ANGEL1: variants seen among roughly 807,000 people sequenced by gnomAD.
The protein encoded by ANGEL1 is RNA 2',3'-cyclic phosphatase ANGEL1.
Under a neutral mutation model 76.4 loss-of-function variants are expected in ANGEL1, and 62 were observed. The observed-to-expected ratio is 0.81, with a 90% CI of 0.66 to 1.00. The LOEUF is 1.00. ANGEL1 is among the 50% of genes least tolerant of loss of function. ANGEL1 has a pLI of 0.00. For missense variants in ANGEL1, 737 were observed against 836.7 expected, an observed-to-expected ratio of 0.88 and a Z score of 1.47; for synonymous variants, 340 against 331.7, an observed-to-expected ratio of 1.03 and a Z score of -0.27.
chr14:76,810,389 G>GC (rs1448760905), intron 1 of ANGEL1: 1 of 200,022 alleles, frequency 5.0e-6, no homozygotes, highest in Non-Finnish European at 1.1e-5. Flanking sequence ...CTGCACTCCC[G>GC]CCTGGGAGAC....
Position 76,789,048 on chromosome 14 carries a change from C to T in ANGEL1, c.*180G>A. 2.5e-6 allele frequency: 2 copies of T among 816,080 alleles called. No homozygotes were observed. Among genetic ancestry groups the T allele is most frequent in the South Asian group, 1.7e-5 (1 of 57,914 alleles). The allele number at this position is 816,080 out of a possible 1,614,324, so 50.6% of individuals were successfully genotyped here. On this transcript the variant is annotated 3_prime_UTR_variant, in exon 10 of 10. Coordinates refer to ENST00000251089, the MANE Select transcript of ANGEL1 (RefSeq NM_015305.4). Reference sequence around the variant, plus strand: ...AGAGGCTGGGGTGGGGCAAGGACCACAGGCAGAGAACGCAGCCAGGCCTGG... The same window carrying T: ...AGAGGCTGGGGTGGGGCAAGGACCATAGGCAGAGAACGCAGCCAGGCCTGG...
In ANGEL1 at chr14:76,806,636, C is replaced by A. The variant is rs1344274519; in HGVS notation, c.1160G>T (p.Cys387Phe). 1.9e-6 allele frequency: 3 copies of A among 1,611,062 alleles called. No individual in the cohort carries two copies. Among genetic ancestry groups the A allele is most frequent in the Non-Finnish European group, 2.5e-6 (3 of 1,179,160 alleles). ...GTAAAGGATATGGGTATTTGCCACA[C>A]ACAGCGGGGCCACCGAGACTTGTCC... is the stretch of plus-strand genomic sequence containing the variant. ...GLGQVSVAPL[C>F]VANTHILYNP... Residue 387 changes from cysteine to phenylalanine, a missense_variant, in exon 5 of 10, where the codon TGT (cysteine) becomes TTT (phenylalanine). Physicochemically the swap from Cys to Phe is radical, Grantham distance 205. Around this residue, in one of 2 missense-constraint regions of ANGEL1, gnomAD observed 296 missense variants for 387.2 expected, o/e 0.76. Transcript: ENST00000251089.
Position 76,806,489 on chromosome 14 carries a change from G to A in ANGEL1, c.1307C>T (p.Ser436Phe). Residue 436 changes from serine to phenylalanine, a missense_variant, in exon 5 of 10, where the codon TCT (serine) becomes TTT (phenylalanine). Ser to Phe is a radical substitution (Grantham distance 155). This residue lies in a region of ANGEL1 where 296 missense variants were observed against 387.2 expected (regional missense o/e 0.76). Transcript: ENST00000251089. ...CPIILCGDLN[S>F]VPDSPLYNFI... is the part of the protein sequence containing the mutation. ...GTTGTAGAGAGGTGAATCAGGGACAGAATTTAGGTCCCCGCACAAGATGAT... is the reference window on the plus strand; with the variant it reads ...GTTGTAGAGAGGTGAATCAGGGACAAAATTTAGGTCCCCGCACAAGATGAT... 1 of 1,614,208 alleles carries A rather than the reference G, an allele frequency of 6.2e-7. No individual in the cohort carries two copies. The highest frequency in any genetic ancestry group is 1.1e-5 in the South Asian group (1 of 91,074).
At chr14:76,810,770 C>A (rs1205749178) in intron 1 of ANGEL1, among the ~76,000 whole-genome samples, 6 of 152,196 alleles carry the variant, frequency 3.9e-5, no homozygotes, top group Admixed American at 2.6e-4. Flanking sequence ...CAATGACAGC[C>A]AACAGGCAAG....
chr14:76,791,867 GCA>G (rs776117153), intron 7 of ANGEL1, among the ~76,000 whole-genome samples: 3 of 151,566 alleles, frequency 2.0e-5, no homozygotes, highest in Non-Finnish European at 4.4e-5. Context: ...ACATCTATAA[GCA>G]CACACACACA....
At chr14:76,797,725 G>A (rs1373838097) in intron 7 of ANGEL1, among the ~76,000 whole-genome samples, 4 of 152,340 alleles carry the variant, frequency 2.6e-5, no homozygotes, top group Non-Finnish European at 5.9e-5. Context: ...TTGTTAACTA[G>A]GAGTTTACAA....
At chr14:76,794,137 G>A (rs1894503457) in intron 7 of ANGEL1, among the ~76,000 whole-genome samples, 1 of 152,192 alleles carries the variant, frequency 6.6e-6, no homozygotes, top group Admixed American at 6.5e-5. Flanking sequence ...AAGGGGAGAA[G>A]TAAATGGAAA....
intron 2 of ANGEL1, among the ~76,000 whole-genome samples, chr14:76,808,572 T>C (rs1894991283): frequency 6.6e-6 from 1 of 152,176 alleles, no homozygotes; most frequent in Non-Finnish European, 1.5e-5. Context: ...GAAACTATGG[T>C]GTGTCCCCAT....
intron 9 of ANGEL1, 51 bp downstream of exon 9, chr14:76,790,560 G>C (rs769917910): frequency 6.4e-7 from 1 of 1,565,164 alleles, no homozygotes; most frequent in Non-Finnish European, 8.7e-7. Context: ...CCTACCATTA[G>C]CTGTTCCCAG....
chr14:76,802,041 A>G (rs111900178), intron 7 of ANGEL1, among the ~76,000 whole-genome samples: 10 of 151,986 alleles, frequency 6.6e-5, no homozygotes, highest in African/African-American at 2.4e-4. Flanking sequence ...GCGTGGCAGC[A>G]TGTGCCTGCA....
At chr14:76,794,588 T>C (rs1178899695) in intron 7 of ANGEL1, among the ~76,000 whole-genome samples, 1 of 151,558 alleles carries the variant, frequency 6.6e-6, no homozygotes, top group Non-Finnish European at 1.5e-5. Context: ...GAAGAATCGC[T>C]TGAACATGGG....
chr14:76,803,900 C>T lies in ANGEL1; in HGVS notation c.1393G>A (p.Glu465Lys), dbSNP rs755660378. The change falls in exon 6 of 10, where the codon GAA becomes AAA. Residue 465 changes from glutamate to lysine, a missense_variant. Glu to Lys is a moderately conservative substitution (Grantham distance 56, BLOSUM62 1). Transcript: ENST00000251089. Reference sequence around the variant, plus strand: ...TGGTAAAGCTGATGGGAGAAGTCTTCCTGTCCAGATACCTGGGTGGAAAAA... The same window carrying T: ...TGGTAAAGCTGATGGGAGAAGTCTTTCTGTCCAGATACCTGGGTGGAAAAA... ...GMPAWKVSGQ[E>K]DFSHQLYQRK... 6.2e-7 allele frequency: 1 copy of T among 1,614,150 alleles called. No homozygotes were observed. The highest frequency in any genetic ancestry group is 8.5e-7 in the Non-Finnish European group (1 of 1,180,036).
At chr14:76,804,061 G>A in intron 5 of ANGEL1, 149 bp from the exon 6 acceptor site, 1 of 1,525,180 alleles carries the variant, frequency 6.6e-7, no homozygotes, top group Non-Finnish European at 8.8e-7. Context: ...TCAGGGGCAG[G>A]TTAAAAATAA....
At chr14:76,811,521 G>C (rs948949031) in intron 1 of ANGEL1, among the ~76,000 whole-genome samples, 11 of 47,044 alleles carry the variant, frequency 2.3e-4, no homozygotes, top group Middle Eastern at 0.012. Context: ...GTGTAGGTGG[G>C]GGGGCGGGGG....
rs146452329 is a variant in ANGEL1, at chr14:76,796,320, C to G, written c.1619-4954G>C. Among the ~76,000 whole-genome samples the G allele has an allele frequency of 4.0e-3, 599 of 149,998 alleles. 1 individual carries two copies. Among genetic ancestry groups the G allele is most frequent in the Non-Finnish European group, 7.0e-3 (477 of 67,710 alleles). ...CACTCAGGCAGGGGTGTGATCACAG[C>G]TCACTGCAGCCTTGACCTTCCGGGC... On this transcript the variant is annotated intron_variant, in intron 7 of 9. Coordinates refer to ENST00000251089, the MANE Select transcript of ANGEL1 (RefSeq NM_015305.4).
chr14:76,794,191 T>C (rs1293082735), intron 7 of ANGEL1, among the ~76,000 whole-genome samples: 1 of 152,192 alleles, frequency 6.6e-6, no homozygotes, highest in Non-Finnish European at 1.5e-5. Context: ...GATGAAAATG[T>C]TCTAAAATTA....
Position 76,790,741 on chromosome 14 carries a change from C to G in ANGEL1, c.1722G>C (p.Leu574=), listed in dbSNP as rs750175972. The G allele has an allele frequency of 5.0e-6, 8 of 1,614,078 alleles. No homozygotes were observed. In the South Asian group the frequency reaches 6.6e-5, roughly 13 times the overall value. ...GCAGGAAGTGGGTATATACTGACGT[C>G]AGGTGGAGGCAGTGCTGGATGGTAC... ...TVGTIQHCLH[L]TSVYTHFLPQ... Residue 574 remains leucine (L), a synonymous_variant, in exon 9 of 10, where the codon CTG becomes CTC. Transcript: ENST00000251089.
In ANGEL1 at chr14:76,806,809, G is replaced by A. The variant is rs754086363; in HGVS notation, c.987C>T (p.Thr329=). 9 of 1,613,980 alleles carry A rather than the reference G, an allele frequency of 5.6e-6. No individual in the cohort carries two copies. Among genetic ancestry groups the A allele is most frequent in the East Asian group, 2.2e-5 (1 of 44,892 alleles). Residue 329 remains threonine, a synonymous_variant, in exon 5 of 10, where the codon ACC becomes ACT. Transcript: ENST00000251089. The part of the protein sequence containing the change: ...CFYKRRTGCK[T]DGCAVCYKPT... ...GCTTGTAGCAGACAGCACAGCCATC[G>A]GTTTTACACCCAGTCCTCCTCTTGT...
intron 9 of ANGEL1, 100 bp from the exon 10 acceptor site, chr14:76,789,488 A>C: frequency 7.0e-7 from 1 of 1,424,706 alleles, no homozygotes; most frequent in Non-Finnish European, 9.6e-7. Flanking sequence ...TGCAGGCTGC[A>C]TCCCCTTGGC....
Sources: gnomAD v4.1 joint callset for allele counts (sites outside exome capture counted in the v4.1 genomes callset) on GRCh38, gnomAD v4.1.1 for gene constraint, gnomAD v4.1.1 regional missense constraint, MANE v1.5 for transcripts, NCBI Gene and HGNC (gene_info 2026-07-23, HGNC 2026-07-21) for gene names.